The following RXFP1 variants were observed in gnomAD, a reference collection of about 807,000 sequenced individuals.
RXFP1 encodes the protein relaxin family peptide receptor 1.
In RXFP1, 73 loss-of-function variants were observed where a neutral mutation model predicts 89.8. That is an observed-to-expected ratio of 0.81 (90% confidence interval 0.67 to 0.99). RXFP1 has a LOEUF of 0.99. Among genes scored for constraint, RXFP1 ranks in the 50% least tolerant of loss-of-function variants. The pLI, the probability that RXFP1 is intolerant of heterozygous loss-of-function variation, is 0.00. For synonymous variants in RXFP1, 277 were observed against 305.5 expected (o/e 0.91, Z 0.97); for missense variants, 793 against 895.5 (o/e 0.89, Z 1.46).
At chr4:158,650,221 G>A (rs542213598) in intron 17 of RXFP1, among the ~76,000 whole-genome samples, 26 of 152,142 alleles carry the variant, frequency 1.7e-4, no homozygotes, top group African/African-American at 6.0e-4. Context: ...TTTTCTAGGG[G>A]TTGGGGGAAG....
At position 158,593,434 on chromosome 4, in the gene RXFP1, A is replaced by G; in HGVS notation, c.221A>G (p.Lys74Arg). The change falls in exon 3 of 18, where the codon AAA (lysine) becomes AGA (arginine). Residue 74 changes from lysine to arginine, a missense_variant. Transcript: ENST00000307765. ...DNNGWSLQFD[K>R]YFASYYKMTS... ...AATGGATGGTCTCTGCAATTTGACA[A>G]ATATTTTGCCAGTTACTACAAAATG... The G allele has an allele frequency of 6.2e-7, 1 of 1,612,190 alleles. No homozygotes were observed. The highest frequency in any genetic ancestry group is 1.3e-5 in the African/African-American group (1 of 75,014).
chr4:158,621,065 G>A (rs1487655449), intron 9 of RXFP1, among the ~76,000 whole-genome samples: 1 of 152,170 alleles, frequency 6.6e-6, no homozygotes, highest in Non-Finnish European at 1.5e-5. Flanking sequence ...TTGAATCCTG[G>A]AGGTGGAAGT....
intron 1 of RXFP1, among the ~76,000 whole-genome samples, chr4:158,569,266 A>G (rs528602257): frequency 1.1e-4 from 17 of 152,348 alleles, no homozygotes; most frequent in Admixed American, 2.6e-4. Context: ...AAAAAGAAGA[A>G]CTATGGAGAT....
At chr4:158,616,213 G>T (rs1764534342) in intron 8 of RXFP1, among the ~76,000 whole-genome samples, 1 of 151,984 alleles carries the variant, frequency 6.6e-6, no homozygotes, top group Admixed American at 6.5e-5. Flanking sequence ...CCTGAGGTCA[G>T]GAGTTCAAGA....
At chr4:158,571,484 T>A (rs767691606) in intron 1 of RXFP1, among the ~76,000 whole-genome samples, 1 of 152,076 alleles carries the variant, frequency 6.6e-6, no homozygotes, top group Non-Finnish European at 1.5e-5. Context: ...CTGACCAACA[T>A]GGTAAAACCT....
At chr4:158,557,110 A>C (rs1178073821) in intron 1 of RXFP1, among the ~76,000 whole-genome samples, 1 of 152,190 alleles carries the variant, frequency 6.6e-6, no homozygotes, top group Non-Finnish European at 1.5e-5. Context: ...TGATAAATAC[A>C]TGAGATGATG....
At chr4:158,609,821 T>C (rs1763230454) in intron 6 of RXFP1, among the ~76,000 whole-genome samples, 1 of 152,168 alleles carries the variant, frequency 6.6e-6, no homozygotes, top group Non-Finnish European at 1.5e-5. Flanking sequence ...TCCATATATC[T>C]TTGCAAAATT....
At chr4:158,648,320 A>T (rs1432520426) in intron 16 of RXFP1, among the ~76,000 whole-genome samples, 179 bp from the exon 17 acceptor site, 1 of 152,226 alleles carries the variant, frequency 6.6e-6, no homozygotes, top group Admixed American at 6.5e-5. Flanking sequence ...TCTCAAAAAA[A>T]TTCATGATTT....
intron 2 of RXFP1, among the ~76,000 whole-genome samples, chr4:158,576,004 T>C (rs1223041139): frequency 6.6e-6 from 1 of 152,218 alleles, no homozygotes; most frequent in Non-Finnish European, 1.5e-5. Context: ...GGATCAGCTA[T>C]GCCATGATGC....
chr4:158,651,262 T>C, intron 17 of RXFP1, among the ~76,000 whole-genome samples: 1 of 152,218 alleles, frequency 6.6e-6, no homozygotes, highest in South Asian at 2.1e-4. Flanking sequence ...CAGAAATAAA[T>C]ATCTGGTCAA....
At chr4:158,609,953 G>C (rs892697799) in intron 6 of RXFP1, among the ~76,000 whole-genome samples, 2 of 152,144 alleles carry the variant, frequency 1.3e-5, no homozygotes, top group African/African-American at 4.8e-5. Context: ...CTTTTCTATA[G>C]TGCTGGAGTG....
At chr4:158,531,215 T>G (rs1413732654) in intron 1 of RXFP1, among the ~76,000 whole-genome samples, 1 of 152,108 alleles carries the variant, frequency 6.6e-6, no homozygotes, top group East Asian at 1.9e-4. Flanking sequence ...AAAAAAAAAT[T>G]TATAGAGAGG....
Position 158,628,685 on chromosome 4 carries a change from C to CTTGA in RXFP1, c.875_876insTTGA (p.Pro293Ter). ...AATCACTTAAATGAAAATACTTTTG[C>CTTGA]ACCTCTCCAGAAACTGGATGAATTG... On this transcript the variant is annotated stop_gained and frameshift_variant, in exon 11 of 18. Coordinates refer to ENST00000307765, the MANE Select transcript of RXFP1 (RefSeq NM_021634.4). LOFTEE classifies it high-confidence loss of function. 3 of 1,577,370 alleles carry CTTGA rather than the reference C, an allele frequency of 1.9e-6. No homozygotes were observed. Among genetic ancestry groups the CTTGA allele is most frequent in the Non-Finnish European group, 1.7e-6 (2 of 1,149,870 alleles).
chr4:158,652,142 T>A lies in RXFP1; in HGVS notation c.*87T>A. On this transcript the variant is annotated 3_prime_UTR_variant, in exon 18 of 18. Transcript: ENST00000307765. ...TGGTATGAAATGAATACCACAAAATTAATTTATAATAATAGCTAAGATAAA... is the reference window on the plus strand; with the variant it reads ...TGGTATGAAATGAATACCACAAAATAAATTTATAATAATAGCTAAGATAAA... The A allele has an allele frequency of 1.0e-6, 1 of 1,004,942 alleles. No individual in the cohort carries two copies. 62.3% of individuals were successfully genotyped at this position (1,004,942 alleles called of 1,614,324 possible). A position where few individuals can be genotyped will look rare whatever the true frequency, so the allele number is the denominator to read the frequency against.
At chr4:158,642,437 G>A (rs1226646875) in intron 14 of RXFP1, among the ~76,000 whole-genome samples, 1 of 152,064 alleles carries the variant, frequency 6.6e-6, no homozygotes, top group Non-Finnish European at 1.5e-5. Context: ...AAGTCTGCCT[G>A]TCTCTTCCTT....
At chr4:158,648,196 T>A (rs1036314082) in intron 16 of RXFP1, among the ~76,000 whole-genome samples, 1 of 152,010 alleles carries the variant, frequency 6.6e-6, no homozygotes, top group Non-Finnish European at 1.5e-5. Flanking sequence ...AAATAAAACA[T>A]CACTAATACT....
chr4:158,581,048 C>T (rs1437469173), intron 2 of RXFP1, among the ~76,000 whole-genome samples: 1 of 152,158 alleles, frequency 6.6e-6, no homozygotes, highest in Non-Finnish European at 1.5e-5. Flanking sequence ...CCTTGGCCTC[C>T]CAAAGTGCTG....
At chr4:158,589,191 TG>T (rs2150054162) in intron 2 of RXFP1, among the ~76,000 whole-genome samples, 1 of 152,224 alleles carries the variant, frequency 6.6e-6, no homozygotes, top group East Asian at 1.9e-4. Context: ...GAGAACAGCA[TG>T]GGGGAACACG....
At chr4:158,585,375 G>A (rs894718090) in intron 2 of RXFP1, among the ~76,000 whole-genome samples, 1 of 152,162 alleles carries the variant, frequency 6.6e-6, no homozygotes, top group Admixed American at 6.5e-5. Context: ...ACTGTGACAA[G>A]TTAATGCATC....
Sources: allele counts gnomAD v4.1 joint callset (sites outside exome capture counted in the v4.1 genomes callset), GRCh38; gene constraint gnomAD v4.1.1; transcripts MANE v1.5; gene names NCBI Gene and HGNC (gene_info 2026-07-23, HGNC 2026-07-21).